Variants in SLC25A21 observed in about 807,000 individuals in gnomAD.
SLC25A21 encodes solute carrier family 25 member 21.
SLC25A21 carries 47 observed loss-of-function variants against 43.8 expected under a neutral mutation model. That is an observed-to-expected ratio of 1.07 (90% confidence interval 0.85 to 1.37). The LOEUF (loss-of-function observed/expected upper bound fraction) is 1.37. Ranked by LOEUF, SLC25A21 falls within the 40% of genes most tolerant of loss-of-function variation. The probability of loss-of-function intolerance (pLI) is 0.00; values close to 1 mark genes in which losing one functional copy is unlikely to be tolerated. For missense variants in SLC25A21, 352 were observed against 350.2 expected (o/e 1.00, Z -0.04); for synonymous variants, 131 against 121.3 (o/e 1.08, Z -0.52).
intron 1 of SLC25A21, among the ~76,000 whole-genome samples, chr14:37,147,634 GT>G (rs3061860): frequency 4.0e-5 from 5 of 125,534 alleles, no homozygotes; most frequent in African/African-American, 1.3e-4. Context: ...CTTATTTCAG[GT>G]TTTTTTTTTT....
At chr14:36,948,939 C>T (rs1016985682) in intron 1 of SLC25A21, among the ~76,000 whole-genome samples, 3 of 152,008 alleles carry the variant, frequency 2.0e-5, no homozygotes, top group African/African-American at 7.2e-5. Context: ...GCATTATATC[C>T]CTATAGGACA....
chr14:36,847,491 T>A (rs138124309), intron 2 of SLC25A21, among the ~76,000 whole-genome samples: 1 of 152,280 alleles, frequency 6.6e-6, no homozygotes, highest in Non-Finnish European at 1.5e-5. Context: ...GAAATAGACA[T>A]GAAAACAGAA....
At position 36,826,581 on chromosome 14, in the gene SLC25A21, T is replaced by C. The variant is rs113132911; in HGVS notation, c.120-12580A>G. On this transcript the variant is annotated intron_variant, in intron 2 of 9. Coordinates refer to ENST00000331299, the MANE Select transcript of SLC25A21 (RefSeq NM_030631.4). ...AGGACCAGAGAACCTAGCTTGATTA[T>C]GGCTCTTCGTGAGGGCCTGAGGGGC... Among the ~76,000 whole-genome samples the C allele has an allele frequency of 4.9e-3, 740 of 152,338 alleles. 7 individuals are homozygous for C. Among genetic ancestry groups the C allele is most frequent in the African/African-American group, 0.016 (666 of 41,584 alleles).
chr14:37,003,783 C>T (rs1053853426), intron 1 of SLC25A21, among the ~76,000 whole-genome samples: 2 of 152,124 alleles, frequency 1.3e-5, no homozygotes, highest in African/African-American at 4.8e-5. Flanking sequence ...TCTGGAGTGC[C>T]AGTTATGTCT....
intron 1 of SLC25A21, among the ~76,000 whole-genome samples, chr14:36,982,838 C>CAAAACA (rs1555340244): frequency 0.073 from 11,025 of 151,354 alleles, 432 homozygotes; most frequent in Admixed American, 0.085. Context: ...ACAACAACAA[C>CAAAACA]AAACAAAACA....
chr14:36,972,638 G>A (rs186647889), intron 1 of SLC25A21, among the ~76,000 whole-genome samples: 23 of 152,258 alleles, frequency 1.5e-4, no homozygotes, highest in African/African-American at 5.3e-4. Flanking sequence ...CTGGCAGGTA[G>A]TAATTGACGA....
At chr14:36,712,982 C>T (rs1356921762) in intron 6 of SLC25A21, among the ~76,000 whole-genome samples, 2 of 152,118 alleles carry the variant, frequency 1.3e-5, no homozygotes, top group Admixed American at 1.3e-4. Context: ...GTACTGCTAT[C>T]TTGCTTCAAG....
chr14:36,698,761 G>T (rs2139165929), intron 7 of SLC25A21, among the ~76,000 whole-genome samples: 1 of 152,130 alleles, frequency 6.6e-6, no homozygotes, highest in East Asian at 1.9e-4. Context: ...GTTTTCAGCT[G>T]CATCAGGTCA....
chr14:37,016,329 ATT>A (rs1424884289), intron 1 of SLC25A21, among the ~76,000 whole-genome samples: 2 of 151,834 alleles, frequency 1.3e-5, no homozygotes, highest in African/African-American at 2.4e-5. Context: ...TTTTTCTCAG[ATT>A]TGTCAAAGAT....
At chr14:37,057,214 T>C (rs1961848835) in intron 1 of SLC25A21, among the ~76,000 whole-genome samples, 1 of 152,234 alleles carries the variant, frequency 6.6e-6, no homozygotes, top group Non-Finnish European at 1.5e-5. Context: ...TTTTGCAGTT[T>C]TGACGTTCCT....
chr14:37,074,867 C>T (rs1030373233), intron 1 of SLC25A21, among the ~76,000 whole-genome samples: 1 of 152,096 alleles, frequency 6.6e-6, no homozygotes, highest in African/African-American at 2.4e-5. Flanking sequence ...ACACTCGTCA[C>T]TCATTGCTTC....
intron 1 of SLC25A21, among the ~76,000 whole-genome samples, chr14:37,106,162 C>A (rs915250335): frequency 6.6e-6 from 1 of 151,508 alleles, no homozygotes; most frequent in East Asian, 1.9e-4. Context: ...AATCAGTGCA[C>A]CTTGAAAAAA....
chr14:36,751,882 T>G (rs1885723097), intron 3 of SLC25A21, among the ~76,000 whole-genome samples: 1 of 152,250 alleles, frequency 6.6e-6, no homozygotes. Flanking sequence ...CTTTACTTAC[T>G]GCCTCAGGCA....
intron 1 of SLC25A21, among the ~76,000 whole-genome samples, chr14:36,985,338 T>C (rs536443313): frequency 2.6e-5 from 4 of 152,210 alleles, no homozygotes; most frequent in Admixed American, 2.6e-4. Flanking sequence ...AATGTGCACA[T>C]GTACCCTAAA....
intron 2 of SLC25A21, among the ~76,000 whole-genome samples, chr14:36,814,822 T>C (rs1888397563): frequency 1.3e-5 from 2 of 152,178 alleles, no homozygotes; most frequent in African/African-American, 4.8e-5. Context: ...TTACCGGGTA[T>C]ATACCCAAAG....
chr14:36,996,096 T>C (rs8021342), intron 1 of SLC25A21, among the ~76,000 whole-genome samples: 66,059 of 151,974 alleles, frequency 0.43, 17,870 homozygotes, highest in African/African-American at 0.78. Context: ...CTCCAACTAT[T>C]CTGTTTTCAC....
At chr14:36,992,171 G>A (rs145876958) in intron 1 of SLC25A21, among the ~76,000 whole-genome samples, 241 of 152,292 alleles carry the variant, frequency 1.6e-3, no homozygotes, top group Middle Eastern at 6.8e-3. Context: ...ATCTGTGGGT[G>A]GACCCGTGCA....
intron 2 of SLC25A21, among the ~76,000 whole-genome samples, chr14:36,864,127 A>G (rs1890147141): frequency 6.6e-6 from 1 of 152,190 alleles, no homozygotes; most frequent in Admixed American, 6.5e-5. Flanking sequence ...AATACTGCAA[A>G]AAGTAAGATT....
chr14:36,926,020 T>C (rs2138630629), intron 1 of SLC25A21, among the ~76,000 whole-genome samples: 1 of 152,258 alleles, frequency 6.6e-6, no homozygotes, highest in African/African-American at 2.4e-5. Context: ...TATTGGCATG[T>C]ATAAAACCTT....
Sources: gnomAD v4.1 joint callset for allele counts (sites outside exome capture counted in the v4.1 genomes callset) on GRCh38, gnomAD v4.1.1 for gene constraint, MANE v1.5 for transcripts, NCBI Gene and HGNC (gene_info 2026-07-23, HGNC 2026-07-21) for gene names.